Variants in COA1 observed in about 807,000 individuals in gnomAD.
The protein encoded by COA1 is cytochrome c oxidase assembly factor 1, also known as cytochrome c oxidase assembly factor 1 homolog.
Under a neutral mutation model 16.0 loss-of-function variants are expected in COA1, and 13 were observed. The observed-to-expected ratio is 0.81, with a 90% CI of 0.53 to 1.29. The LOEUF is 1.29. COA1 is among the 50% of genes most tolerant of loss of function. The pLI, the probability that COA1 is intolerant of heterozygous loss-of-function variation, is 0.00. For synonymous variants in COA1, 65 were observed against 65.7 expected (o/e 0.99, Z 0.05); for missense variants, 179 against 177.0 (o/e 1.01, Z -0.06).
chr7:43,617,744 C>A (rs2083478132), intron 6 of COA1, among the ~76,000 whole-genome samples: 1 of 152,044 alleles, frequency 6.6e-6, no homozygotes, highest in African/African-American at 2.4e-5. Flanking sequence ...GATATTTAAG[C>A]CTTGGGTGCA....
At chr7:43,697,130 A>C in intron 1 of COA1, among the ~76,000 whole-genome samples, 1 of 151,790 alleles carries the variant, frequency 6.6e-6, no homozygotes, top group East Asian at 1.9e-4. Context: ...AAAAACAAAA[A>C]ACAAAAAACA....
intron 1 of COA1, among the ~76,000 whole-genome samples, chr7:43,691,327 A>AAGAAAGAAAGAAAGAAAGAAAGAG (rs1554542189): frequency 1.1e-5 from 1 of 90,382 alleles, no homozygotes; most frequent in Non-Finnish European, 2.3e-5. Flanking sequence ...GAAAGAAAGA[A>AAGAAAGAAAGAAAGAAAGAAAGAG]AGAGAAAGAG....
chr7:43,690,733 A>G (rs1209755201), intron 1 of COA1, among the ~76,000 whole-genome samples: 1 of 152,212 alleles, frequency 6.6e-6, no homozygotes, highest in Non-Finnish European at 1.5e-5. Flanking sequence ...CACTATGACT[A>G]AAAGGCAGAG....
Position 43,671,525 on chromosome 7 carries a change from A to G in COA1, c.-38-22873T>C, listed in dbSNP as rs572736037. Among the ~76,000 whole-genome samples, 5 of 152,374 alleles carry G rather than the reference A, an allele frequency of 3.3e-5. No homozygotes were observed. The East Asian group carries it at 9.6e-4, about 29-fold the overall frequency. On this transcript the variant is annotated intron_variant, in intron 1 of 5. Coordinates refer to ENST00000223336, the MANE Select transcript of COA1 (RefSeq NM_018224.4). ...AGGAATATATCTAATGAAGGAGGTT[A>G]AAGTCTCTACAAGGAGAACTACAAA...
intron 4 of COA1, among the ~76,000 whole-genome samples, chr7:43,644,529 CTTTT>C (rs1214843807): frequency 2.0e-5 from 3 of 147,756 alleles, no homozygotes; most frequent in Non-Finnish European, 4.5e-5. Flanking sequence ...ATGCATTTCT[CTTTT>C]TTTTTTAATT....
At chr7:43,686,306 T>C (rs964346154) in intron 1 of COA1, among the ~76,000 whole-genome samples, 1 of 74,540 alleles carries the variant, frequency 1.3e-5, no homozygotes, top group Non-Finnish European at 3.0e-5. Context: ...GCTTTGTTTC[T>C]TTTTTTTTTT....
intron 1 of COA1, among the ~76,000 whole-genome samples, chr7:43,720,289 A>T (rs2095480468): frequency 6.6e-6 from 1 of 151,606 alleles, no homozygotes; most frequent in Non-Finnish European, 1.5e-5. Flanking sequence ...AAAAAAAAGG[A>T]AAAAAAGAGT....
chr7:43,686,932 G>GA (rs2130781956), intron 1 of COA1, among the ~76,000 whole-genome samples: 1 of 152,092 alleles, frequency 6.6e-6, no homozygotes, highest in East Asian at 1.9e-4. Context: ...TATATCAAAG[G>GA]AAAAATGAAG....
intron 3 of COA1, chr7:43,646,205 C>A (rs1202134184): frequency 2.1e-5 from 4 of 194,354 alleles, no homozygotes; most frequent in South Asian, 7.8e-5. Context: ...AATCCCCCTC[C>A]TGGGCTGCTT....
intron 1 of COA1, among the ~76,000 whole-genome samples, chr7:43,655,323 G>A (rs562857531): frequency 6.6e-6 from 1 of 152,166 alleles, no homozygotes; most frequent in South Asian, 2.1e-4. Flanking sequence ...TTTTTAAAAA[G>A]ACATACAATA....
At chr7:43,728,953 T>G (rs1474880864) in intron 1 of COA1, among the ~76,000 whole-genome samples, 1 of 152,206 alleles carries the variant, frequency 6.6e-6, no homozygotes, top group Non-Finnish European at 1.5e-5. Context: ...AAATCACTTT[T>G]GCAGTCAGCC....
intron 1 of COA1, among the ~76,000 whole-genome samples, chr7:43,659,521 C>T (rs923492313): frequency 6.6e-6 from 1 of 152,184 alleles, no homozygotes; most frequent in Non-Finnish European, 1.5e-5. Context: ...GATTCATAAC[C>T]ATTTTGCAAA....
intron 1 of COA1, among the ~76,000 whole-genome samples, chr7:43,719,859 G>C (rs1400838882): frequency 2.0e-5 from 3 of 152,202 alleles, no homozygotes; most frequent in African/African-American, 7.2e-5. Context: ...CTGGAGCACA[G>C]TGAACAAGGG....
chr7:43,703,753 G>A (rs756472265), intron 1 of COA1, among the ~76,000 whole-genome samples: 1 of 152,176 alleles, frequency 6.6e-6, no homozygotes, highest in Non-Finnish European at 1.5e-5. Flanking sequence ...CATGCAAGAT[G>A]AGTCTCTTGA....
At chr7:43,622,361 A>G (rs1298861838) in intron 6 of COA1, 3 of 152,068 alleles carry the variant, frequency 2.0e-5, no homozygotes, top group Non-Finnish European at 2.9e-5. Flanking sequence ...CATTTATTCT[A>G]TGGGGGTTTG....
chr7:43,651,101 G>C (rs2090676624), intron 1 of COA1, among the ~76,000 whole-genome samples: 1 of 152,212 alleles, frequency 6.6e-6, no homozygotes, highest in Non-Finnish European at 1.5e-5. Flanking sequence ...AGGCACTGTA[G>C]AGGAATAGAT....
At chr7:43,671,321 A>G (rs2093245786) in intron 1 of COA1, among the ~76,000 whole-genome samples, 1 of 152,174 alleles carries the variant, frequency 6.6e-6, no homozygotes, top group Admixed American at 6.5e-5. Context: ...CACCATGAAG[A>G]AAGTGAAAAC....
At chr7:43,687,099 A>G (rs1268194938) in intron 1 of COA1, among the ~76,000 whole-genome samples, 1 of 152,106 alleles carries the variant, frequency 6.6e-6, no homozygotes, top group African/African-American at 2.4e-5. Context: ...CTATTAACTT[A>G]CCTCATCAAA....
intron 1 of COA1, among the ~76,000 whole-genome samples, chr7:43,724,526 G>A (rs1333760306): frequency 6.6e-6 from 1 of 151,726 alleles, no homozygotes; most frequent in Non-Finnish European, 1.5e-5. Context: ...ACTCCAGCCT[G>A]GGAGACAGAG....
Sources: gnomAD v4.1 joint callset for allele counts (sites outside exome capture counted in the v4.1 genomes callset) on GRCh38, gnomAD v4.1.1 for gene constraint, MANE v1.5 for transcripts, NCBI Gene and HGNC (gene_info 2026-07-23, HGNC 2026-07-21) for gene names.